SIDT1: variants seen among roughly 807,000 people sequenced by gnomAD.
SIDT1 encodes SID1 transmembrane family, member 1.
SIDT1 carries 101 observed loss-of-function variants against 107.5 expected under a neutral mutation model. The ratio of observed to expected loss-of-function variants is 0.94; its 90% CI spans 0.80 to 1.11. The LOEUF (loss-of-function observed/expected upper bound fraction) is 1.11. Among genes scored for constraint, SIDT1 ranks in the 50% least tolerant of loss-of-function variants. The pLI is 0.00. For synonymous variants in SIDT1, 395 were observed against 398.2 expected (o/e 0.99, Z 0.10); for missense variants, 1,076 against 1,058.2 (o/e 1.02, Z -0.23).
chr3:113,585,760 CT>C (rs1248473984), intron 9 of SIDT1, among the ~76,000 whole-genome samples: 1 of 152,158 alleles, frequency 6.6e-6, no homozygotes, highest in Non-Finnish European at 1.5e-5. Context: ...TGTTTTCCTT[CT>C]GTTGTAGCAT....
chr3:113,552,483 C>A (rs1283837130), intron 1 of SIDT1, among the ~76,000 whole-genome samples: 6 of 152,022 alleles, frequency 3.9e-5, no homozygotes, highest in African/African-American at 1.5e-4. Context: ...AAGCAACTGG[C>A]AAATATAAGC....
chr3:113,576,088 G>A (rs1576821660), intron 3 of SIDT1, among the ~76,000 whole-genome samples: 1 of 152,168 alleles, frequency 6.6e-6, no homozygotes, highest in Admixed American at 6.5e-5. Context: ...TTGTCTTTGT[G>A]ACAAACACTT....
rs769855964 is a variant in SIDT1 at position 113,566,570 on chromosome 3, A to G, written c.344+29A>G. The stretch of plus-strand genomic sequence containing the variant: ...AGTGGGTTTTCTTCCAGGCAACTTC[A>G]CTATGTTTAGTTTTCTTCAATGTCC... On this transcript the variant is annotated intron_variant, in intron 2 of 24. Transcript: ENST00000264852. 3.1e-6 allele frequency: 5 copies of G among 1,607,256 alleles called. No individual in the cohort carries two copies. The African/African-American group carries it at 4.0e-5, about 13-fold the overall frequency.
At chr3:113,623,859 G>GT in intron 23 of SIDT1, 126 bp downstream of exon 23, 1 of 656,300 alleles carries the variant, frequency 1.5e-6, no homozygotes, top group South Asian at 1.8e-5. Context: ...ACCAGGGATG[G>GT]TTTTTAATAG....
chr3:113,625,340 T>C lies in SIDT1; in HGVS notation c.2308-762T>C, dbSNP rs972261692. Among the ~76,000 whole-genome samples the C allele has an allele frequency of 2.0e-5, 3 of 152,150 alleles. No homozygotes were observed. In the East Asian group the frequency reaches 5.8e-4, roughly 29 times the overall value. On this transcript the variant is annotated intron_variant, in intron 23 of 24. Transcript: ENST00000264852. ...TTTTAGTAGAGACGGGGTTTCACCATGTTGGCCAGGCTGGTCTCAAACTCC... is the reference window on the plus strand; with the variant it reads ...TTTTAGTAGAGACGGGGTTTCACCACGTTGGCCAGGCTGGTCTCAAACTCC...
chr3:113,629,918 A>G (rs764959422), downstream of SIDT1, among the ~76,000 whole-genome samples: 29 of 152,206 alleles, frequency 1.9e-4, no homozygotes, highest in Non-Finnish European at 1.9e-4. Context: ...TCAGTTCTAA[A>G]TGTACATGTT....
intron 12 of SIDT1, 102 bp downstream of exon 12, chr3:113,603,252 G>A: frequency 3.2e-6 from 4 of 1,264,756 alleles, no homozygotes; most frequent in Non-Finnish European, 4.4e-6. Context: ...TTCCTTCAGG[G>A]AAACCCAAAT....
At chr3:113,534,161 G>A (rs1434166423) in intron 1 of SIDT1, among the ~76,000 whole-genome samples, 1 of 152,064 alleles carries the variant, frequency 6.6e-6, no homozygotes, top group African/African-American at 2.4e-5. Flanking sequence ...CCATATAAAT[G>A]TGTTTATGTA....
In SIDT1 at chr3:113,576,992, A is replaced by G. The variant is rs527629941; in HGVS notation, c.561+25A>G. On this transcript the variant is annotated intron_variant, in intron 4 of 24. Coordinates refer to ENST00000264852, the MANE Select transcript of SIDT1 (RefSeq NM_017699.3). ...GGTAAGTGAAGGGGTTCCAAGAGTT[A>G]TCAACATCCTACCTGTTGGTGTTGC... is the stretch of plus-strand genomic sequence containing the variant. 3.7e-5 allele frequency: 60 copies of G among 1,611,764 alleles called. 2 individuals carry two copies. In the South Asian group the frequency reaches 5.6e-4, roughly 15 times the overall value.
chr3:113,541,747 A>AT (rs1202682331), intron 1 of SIDT1, among the ~76,000 whole-genome samples: 5 of 151,704 alleles, frequency 3.3e-5, no homozygotes, highest in African/African-American at 7.3e-5. Flanking sequence ...CTTGTCTCAC[A>AT]TTTTTTTTCT....
Position 113,538,255 on chromosome 3 carries a change from A to G in SIDT1, c.222+5012A>G, listed in dbSNP as rs77338208. ...AGCAATCACCTCCTACATTTTTCTC[A>G]GAGACTGTGAAAACAGGGCATCAGT... On this transcript the variant is annotated intron_variant, in intron 1 of 24. Transcript: ENST00000264852. Among the ~76,000 whole-genome samples, 1,169 of 152,326 alleles carry G rather than the reference A, an allele frequency of 7.7e-3. 13 individuals are homozygous for G. The highest frequency in any genetic ancestry group is 0.018 in the African/African-American group (754 of 41,582).
At position 113,532,755 on chromosome 3, in the gene SIDT1, G is replaced by A; in HGVS notation, c.-267G>A. On this transcript the variant is annotated 5_prime_UTR_variant, in exon 1 of 25. Coordinates refer to ENST00000264852, the MANE Select transcript of SIDT1 (RefSeq NM_017699.3). ...AGAAACGGGGGACTTAGAAGCCGGA[G>A]GAAAATCAGCAGCCCCACATCTCCA... The A allele has an allele frequency of 2.7e-6, 1 of 366,828 alleles. No homozygotes were observed. Among genetic ancestry groups the A allele is most frequent in the South Asian group, 1.4e-4 (1 of 7,242 alleles). 22.7% of individuals were successfully genotyped at this position (366,828 alleles called of 1,614,324 possible). A position where few individuals can be genotyped will look rare whatever the true frequency, so the allele number is the denominator to read the frequency against.
chr3:113,580,581 T>G, intron 4 of SIDT1, 27 bp from the exon 5 acceptor site: 1 of 1,373,306 alleles, frequency 7.3e-7, no homozygotes, highest in East Asian at 2.3e-5. Context: ...TAAATATAAA[T>G]CATGTCTTTC....
intron 1 of SIDT1, among the ~76,000 whole-genome samples, chr3:113,541,263 G>C (rs867712953): frequency 1.3e-5 from 2 of 151,928 alleles, no homozygotes; most frequent in Non-Finnish European, 2.9e-5. Flanking sequence ...TCTGCCTCCC[G>C]GGTTCAAGAA....
At chr3:113,626,550 G>A (rs1216511720) in intron 24 of SIDT1, among the ~76,000 whole-genome samples, 14 of 151,930 alleles carry the variant, frequency 9.2e-5, no homozygotes, top group Admixed American at 9.2e-4. Flanking sequence ...GATAACATTG[G>A]GTTATTCCTT....
At chr3:113,616,967 C>A (rs1231187880) in intron 20 of SIDT1, among the ~76,000 whole-genome samples, 2 of 152,000 alleles carry the variant, frequency 1.3e-5, no homozygotes, top group East Asian at 1.9e-4. Flanking sequence ...GGATTACAGA[C>A]GTGAGCCACC....
At chr3:113,615,195 G>C in intron 19 of SIDT1, 1 of 1,053,066 alleles carries the variant, frequency 9.5e-7, no homozygotes, top group Non-Finnish European at 1.4e-6. Context: ...CAGACTCCGT[G>C]GGAGTGGGGA....
rs765720554 is a variant in SIDT1, at chr3:113,603,076, G to A, written c.1189G>A (p.Asp397Asn). 1.2e-6 allele frequency: 2 copies of A among 1,614,172 alleles called. No individual in the cohort carries two copies. Among genetic ancestry groups the A allele is most frequent in the South Asian group, 1.1e-5 (1 of 91,074 alleles). The change falls in exon 12 of 25, where the codon GAC (aspartate) becomes AAC (asparagine). Residue 397 changes from aspartate (D) to asparagine (N), a missense_variant. By Grantham distance (23) the Asp-to-Asn change is conservative. Coordinates refer to ENST00000264852, the MANE Select transcript of SIDT1 (RefSeq NM_017699.3). ...TGGGCCACCGGGCCAGTCAGACACA[G>A]ACAGCTCCGTGGAGGAGAGCGACTT... Reference protein sequence around the residue: ...DGGPPGQSDTDSSVEESDFDT... With the variant: ...DGGPPGQSDTNSSVEESDFDT...
chr3:113,612,142 G>A lies in SIDT1; in HGVS notation c.1914G>A (p.Leu638=), dbSNP rs760749394. The stretch of plus-strand genomic sequence containing the variant: ...TCATCTTCTCTGCAATCCACGTTCT[G>A]GCCTCGCTAGCCCTCAGCACCCAGA... ...FWVIFSAIHV[L]ASLALSTQIY... Residue 638 remains leucine (L), a synonymous_variant, in exon 19 of 25, where the codon CTG becomes CTA. Transcript: ENST00000264852. The A allele has an allele frequency of 1.2e-6, 2 of 1,613,986 alleles. No homozygotes were observed. Among genetic ancestry groups the A allele is most frequent in the Admixed American group, 1.7e-5 (1 of 60,000 alleles).
Sources: allele counts gnomAD v4.1 joint callset (sites outside exome capture counted in the v4.1 genomes callset), GRCh38; gene constraint gnomAD v4.1.1; transcripts MANE v1.5; gene names NCBI Gene and HGNC (gene_info 2026-07-23, HGNC 2026-07-21).